MYO10: variants seen among roughly 807,000 people sequenced by gnomAD.
MYO10 encodes myosin X.
In MYO10, 133 loss-of-function variants were observed where a neutral mutation model predicts 257.3. The ratio of observed to expected loss-of-function variants is 0.52; its 90% CI spans 0.45 to 0.60. The LOEUF is 0.60. Ranked by LOEUF, MYO10 falls within the 20% of genes least tolerant of loss-of-function variation. The pLI, the probability that MYO10 is intolerant of heterozygous loss-of-function variation, is 0.00. For missense variants in MYO10, 2,399 were observed against 2,635.7 expected (o/e 0.91, Z 1.97); for synonymous variants, 1,104 against 1,028.6 (o/e 1.07, Z -1.40).
Position 16,762,083 on chromosome 5 carries a change from C to A in MYO10, c.1618G>T (p.Ala540Ser). 7.1e-7 allele frequency: 1 copy of A among 1,406,936 alleles called. No homozygotes were observed. Among genetic ancestry groups the A allele is most frequent in the South Asian group, 1.4e-5 (1 of 73,986 alleles). 87.2% of individuals were successfully genotyped at this position (1,406,936 alleles called of 1,614,324 possible). A position where few individuals can be genotyped will look rare whatever the true frequency, so the allele number is the denominator to read the frequency against. Residue 540 changes from alanine to serine, a missense_variant, in exon 16 of 41, where the codon GCA becomes TCA. By Grantham distance (99) the Ala-to-Ser change is moderately conservative. Coordinates refer to ENST00000513610, the MANE Select transcript of MYO10 (RefSeq NM_012334.3). ...NNHFYVKPRVAVNNFGVKHYA... is the reference protein window; with the variant it reads ...NNHFYVKPRVSVNNFGVKHYA... ...TGCTTCACTCCAAAATTGTTAACTG[C>A]AACTCTGGGCTTCACATAAAAGTGG...
rs542895978 is a variant in MYO10, at chr5:16,764,198, A to G, written c.1326+52T>C. The stretch of plus-strand genomic sequence containing the variant: ...TGCTCACAGAGATTTGTTCAATAGC[A>G]GCTAATCATGGACAGAAGAGAATTC... On this transcript the variant is annotated intron_variant, in intron 12 of 40. Transcript: ENST00000513610. 132 of 1,579,414 alleles carry G rather than the reference A, an allele frequency of 8.4e-5. No homozygotes were observed. In the African/African-American group the frequency reaches 1.4e-3, roughly 17 times the overall value.
At chr5:16,860,065 G>A (rs1053014808) in intron 2 of MYO10, among the ~76,000 whole-genome samples, 2 of 152,196 alleles carry the variant, frequency 1.3e-5, no homozygotes, top group African/African-American at 4.8e-5. Context: ...TTATCAGTGG[G>A]ATTTCTCTAC....
chr5:16,928,054 AAAG>A (rs1746185643), intron 1 of MYO10, among the ~76,000 whole-genome samples: 1 of 152,228 alleles, frequency 6.6e-6, no homozygotes, highest in Non-Finnish European at 1.5e-5. Flanking sequence ...TTTAACTGAA[AAAG>A]AAGATTCTAT....
At position 16,763,451 on chromosome 5, in the gene MYO10, GA is replaced by G. The variant is rs776767510; in HGVS notation, c.1494+29del. On this transcript the variant is annotated intron_variant, in intron 14 of 40. Coordinates refer to ENST00000513610, the MANE Select transcript of MYO10 (RefSeq NM_012334.3). The stretch of plus-strand genomic sequence containing the variant: ...AATCAGTCCAGCTGGACCCCCTTGG[GA>G]CTGTAACCATTCTTCAAAAATACAT... 7.7e-6 allele frequency: 12 copies of G among 1,564,526 alleles called. No individual in the cohort carries two copies. The Admixed American group carries it at 1.7e-4, about 22-fold the overall frequency.
intron 33 of MYO10, among the ~76,000 whole-genome samples, chr5:16,676,513 G>A (rs947767412): frequency 1.3e-5 from 2 of 152,162 alleles, no homozygotes; most frequent in African/African-American, 2.4e-5. Flanking sequence ...TCAGCAGTTC[G>A]AGACCAGCCT....
intron 2 of MYO10, among the ~76,000 whole-genome samples, chr5:16,820,157 C>T (rs994078574): frequency 6.6e-6 from 1 of 152,222 alleles, no homozygotes; most frequent in African/African-American, 2.4e-5. Flanking sequence ...AACATGTAGA[C>T]CCTTCATTTT....
chr5:16,837,240 G>A (rs190167435), intron 2 of MYO10, among the ~76,000 whole-genome samples: 16 of 152,122 alleles, frequency 1.1e-4, no homozygotes, highest in Non-Finnish European at 1.2e-4. Flanking sequence ...AACCCGGGAG[G>A]CACAGGTTGC....
intron 2 of MYO10, among the ~76,000 whole-genome samples, chr5:16,866,014 AACACACACACACACACACACACAC>A (rs34718010): frequency 2.9e-5 from 4 of 136,482 alleles, no homozygotes; most frequent in Admixed American, 1.5e-4. Context: ...TATTTACCCA[AACACACACACACACACACACACAC>A]ACACACACAC....
At chr5:16,844,970 AC>A (rs1743590417) in intron 2 of MYO10, among the ~76,000 whole-genome samples, 3 of 151,516 alleles carry the variant, frequency 2.0e-5, no homozygotes, top group Non-Finnish European at 4.4e-5. Context: ...ACACACACAC[AC>A]ACACACAGTG....
At chr5:16,754,288 T>A (rs1268992687) in intron 19 of MYO10, among the ~76,000 whole-genome samples, 1 of 152,166 alleles carries the variant, frequency 6.6e-6, no homozygotes, top group African/African-American at 2.4e-5. Context: ...ATTATGAAAT[T>A]AGAAAGCTAA....
At chr5:16,856,263 A>G (rs1743958153) in intron 2 of MYO10, among the ~76,000 whole-genome samples, 2 of 152,222 alleles carry the variant, frequency 1.3e-5, no homozygotes, top group African/African-American at 4.8e-5. Context: ...AATTCTAAAG[A>G]AAGACCTGTT....
chr5:16,864,879 G>A (rs753619275), intron 2 of MYO10, among the ~76,000 whole-genome samples: 3 of 152,180 alleles, frequency 2.0e-5, no homozygotes, highest in African/African-American at 4.8e-5. Flanking sequence ...ACCAAGTTAA[G>A]CTGGACAAGT....
chr5:16,920,136 T>C (rs1468553393), intron 1 of MYO10, among the ~76,000 whole-genome samples: 1 of 151,898 alleles, frequency 6.6e-6, no homozygotes. Context: ...TAGCTGGGCT[T>C]GGTGGCACAT....
intron 2 of MYO10, among the ~76,000 whole-genome samples, chr5:16,875,051 C>G (rs551522809): frequency 6.6e-6 from 1 of 152,238 alleles, no homozygotes; most frequent in East Asian, 1.9e-4. Context: ...ACAAGAATAG[C>G]ATGGGAAAGA....
intron 11 of MYO10, among the ~76,000 whole-genome samples, chr5:16,765,322 T>G (rs1740832259): frequency 1.3e-5 from 2 of 152,186 alleles, no homozygotes; most frequent in South Asian, 4.1e-4. Context: ...CCTCCCAGCC[T>G]ACATCTTTCT....
chr5:16,893,944 C>G (rs1745149945), intron 1 of MYO10, among the ~76,000 whole-genome samples: 1 of 152,100 alleles, frequency 6.6e-6, no homozygotes. Flanking sequence ...GTGTGACAAG[C>G]CAGCCAGGCA....
chr5:16,815,893 A>G (rs975368103), intron 3 of MYO10, among the ~76,000 whole-genome samples: 1 of 99,360 alleles, frequency 1.0e-5, no homozygotes, highest in African/African-American at 3.2e-5. Flanking sequence ...TTTTCTGAAC[A>G]TATGGAAAAT....
intron 19 of MYO10, among the ~76,000 whole-genome samples, chr5:16,725,537 T>C (rs1739330147): frequency 6.6e-6 from 1 of 152,158 alleles, no homozygotes; most frequent in Non-Finnish European, 1.5e-5. Flanking sequence ...ATTAAATCAG[T>C]CCATGATGAT....
chr5:16,888,095 A>T (rs1744943425), intron 1 of MYO10, among the ~76,000 whole-genome samples: 1 of 152,168 alleles, frequency 6.6e-6, no homozygotes, highest in African/African-American at 2.4e-5. Flanking sequence ...TAATTCATCC[A>T]TCTGTAAATC....
Sources: allele counts gnomAD v4.1 joint callset (sites outside exome capture counted in the v4.1 genomes callset), GRCh38; gene constraint gnomAD v4.1.1; transcripts MANE v1.5; gene names NCBI Gene and HGNC (gene_info 2026-07-23, HGNC 2026-07-21).